Variants in JAZF1 observed in about 807,000 individuals in gnomAD.
JAZF1 encodes juxtaposed with another zinc finger protein 1.
JAZF1 carries 8 observed loss-of-function variants against 26.4 expected under a neutral mutation model. The observed-to-expected ratio is 0.30, with a 90% CI of 0.18 to 0.55. The LOEUF is 0.55. Ranked by LOEUF, JAZF1 falls within the 20% of genes least tolerant of loss-of-function variation. The probability of loss-of-function intolerance (pLI) is 0.94; values close to 1 mark genes in which losing one functional copy is unlikely to be tolerated. For missense variants in JAZF1, 199 were observed against 322.0 expected (o/e 0.62, Z 2.92); for synonymous variants, 126 against 122.3 (o/e 1.03, Z -0.20).
intron 2 of JAZF1, among the ~76,000 whole-genome samples, chr7:27,984,930 A>G (rs947086405): frequency 6.6e-6 from 1 of 152,226 alleles, no homozygotes; most frequent in Non-Finnish European, 1.5e-5. Context: ...AACATACCAG[A>G]ATCTCTGGGA....
At chr7:28,106,749 G>A (rs1234763479) in intron 1 of JAZF1, among the ~76,000 whole-genome samples, 2 of 152,158 alleles carry the variant, frequency 1.3e-5, no homozygotes, top group South Asian at 4.2e-4. Flanking sequence ...ACCTCTGAAG[G>A]CTGCATATAA....
intron 1 of JAZF1, 39 bp downstream of exon 1, chr7:28,180,424 C>T (rs894716903): frequency 1.5e-5 from 23 of 1,546,696 alleles, no homozygotes; most frequent in Non-Finnish European, 1.9e-5. Context: ...CAGGAGTTTC[C>T]GCGCGCCTGG....
rs1782706918 is a variant in JAZF1 at position 27,831,759 on chromosome 7, T to TC, written c.*1040dup. 4.5e-6 allele frequency: 1 copy of TC among 224,426 alleles called. No homozygotes were observed. The allele number at this position is 224,426 out of a possible 1,614,324, so 13.9% of individuals were successfully genotyped here. A position where few individuals can be genotyped will look rare whatever the true frequency, so the allele number is the denominator to read the frequency against. The stretch of plus-strand genomic sequence containing the variant: ...GCAATAGGGGTCTTAACAAAAGTGT[T>TC]CATCTTTGAAACGTGCTTAGAATTT... On this transcript the variant is annotated 3_prime_UTR_variant, in exon 5 of 5. Transcript: ENST00000283928.
intron 1 of JAZF1, among the ~76,000 whole-genome samples, chr7:28,087,342 A>G (rs1052688078): frequency 6.6e-6 from 1 of 152,048 alleles, no homozygotes; most frequent in Admixed American, 6.5e-5. Flanking sequence ...ATCATATTCC[A>G]TTTAATTTCA....
At chr7:27,893,911 G>A (rs1255145586) in intron 3 of JAZF1, among the ~76,000 whole-genome samples, 1 of 152,172 alleles carries the variant, frequency 6.6e-6, no homozygotes, top group Non-Finnish European at 1.5e-5. Flanking sequence ...ACCACCCTGG[G>A]GTAAGCTGAG....
At chr7:28,162,549 A>G (rs1340936885) in intron 1 of JAZF1, among the ~76,000 whole-genome samples, 1 of 152,248 alleles carries the variant, frequency 6.6e-6, no homozygotes, top group Non-Finnish European at 1.5e-5. Flanking sequence ...TGAAACATTT[A>G]CAATACCTGT....
At chr7:27,874,000 A>G (rs1423537109) in intron 3 of JAZF1, among the ~76,000 whole-genome samples, 1 of 152,256 alleles carries the variant, frequency 6.6e-6, no homozygotes. Context: ...TTGGAATGGC[A>G]ATCATAAGCA....
At chr7:28,178,640 G>A (rs1783583842) in intron 1 of JAZF1, among the ~76,000 whole-genome samples, 1 of 152,050 alleles carries the variant, frequency 6.6e-6, no homozygotes, top group Non-Finnish European at 1.5e-5. Context: ...CGGTGTTTTC[G>A]CTTTATTTTA....
chr7:28,154,048 T>C (rs1451643867), intron 1 of JAZF1, among the ~76,000 whole-genome samples: 1 of 152,120 alleles, frequency 6.6e-6, no homozygotes. Context: ...GGTACTTTCA[T>C]AATGGGATGA....
chr7:27,877,220 G>A (rs551999799), intron 3 of JAZF1, among the ~76,000 whole-genome samples: 1 of 152,312 alleles, frequency 6.6e-6, no homozygotes, highest in Admixed American at 6.5e-5. Context: ...GGTAATGGTG[G>A]AGAACAAAAA....
chr7:28,056,473 C>A (rs985733719), intron 1 of JAZF1, among the ~76,000 whole-genome samples: 4 of 99,494 alleles, frequency 4.0e-5, no homozygotes, highest in African/African-American at 1.4e-4. Flanking sequence ...CACACACACA[C>A]ACAATAAGAA....
chr7:28,141,179 C>G (rs961205519), intron 1 of JAZF1, among the ~76,000 whole-genome samples: 1 of 128,696 alleles, frequency 7.8e-6, no homozygotes, highest in African/African-American at 3.1e-5. Flanking sequence ...AATAGAAAAT[C>G]GAGACAGACA....
At chr7:27,945,424 C>T (rs2128353414) in intron 2 of JAZF1, among the ~76,000 whole-genome samples, 1 of 152,264 alleles carries the variant, frequency 6.6e-6, no homozygotes, top group Non-Finnish European at 1.5e-5. Context: ...CCAGCAGGGT[C>T]CTCTGCACCT....
chr7:27,846,634 C>CAG (rs892921913), intron 3 of JAZF1: 7 of 456,592 alleles, frequency 1.5e-5, no homozygotes, highest in Admixed American at 1.4e-4. Flanking sequence ...TCTTTTTGAT[C>CAG]AGAGCTGTCT....
At chr7:28,161,046 G>C (rs1341660686) in intron 1 of JAZF1, among the ~76,000 whole-genome samples, 1 of 152,056 alleles carries the variant, frequency 6.6e-6, no homozygotes, top group East Asian at 1.9e-4. Flanking sequence ...AAGTGACAAT[G>C]AACAGATTAT....
intron 1 of JAZF1, among the ~76,000 whole-genome samples, chr7:28,120,086 C>G (rs952368441): frequency 4.6e-5 from 7 of 152,154 alleles, no homozygotes; most frequent in Non-Finnish European, 8.8e-5. Context: ...TCGTAGGTAC[C>G]CAAGCCCACA....
intron 1 of JAZF1, among the ~76,000 whole-genome samples, chr7:28,043,706 A>T (rs142122970): frequency 6.6e-6 from 1 of 152,280 alleles, no homozygotes; most frequent in East Asian, 1.9e-4. Flanking sequence ...AGCATTATCC[A>T]TAGTAGCCAG....
intron 1 of JAZF1, among the ~76,000 whole-genome samples, chr7:28,011,282 G>C (rs566706050): frequency 2.6e-5 from 4 of 152,322 alleles, no homozygotes; most frequent in Non-Finnish European, 5.9e-5. Flanking sequence ...ATAGTCTCTT[G>C]AAAGTTTACA....
At chr7:28,091,783 C>T (rs1042671558) in intron 1 of JAZF1, among the ~76,000 whole-genome samples, 23 of 151,942 alleles carry the variant, frequency 1.5e-4, no homozygotes, top group Non-Finnish European at 2.2e-4. Flanking sequence ...TTAGAATAGT[C>T]GGTGTGTGTA....
Sources: allele counts gnomAD v4.1 joint callset (sites outside exome capture counted in the v4.1 genomes callset), GRCh38; gene constraint gnomAD v4.1.1; transcripts MANE v1.5; gene names NCBI Gene and HGNC (gene_info 2026-07-23, HGNC 2026-07-21).